Variants in GLIS3 observed in about 807,000 individuals in gnomAD.
GLIS3 encodes GLIS family zinc finger 3.
GLIS3 carries 53 observed loss-of-function variants against 78.6 expected under a neutral mutation model. That is an observed-to-expected ratio of 0.67 (90% CI 0.54 to 0.85). GLIS3 has a LOEUF of 0.85. Among genes scored for constraint, GLIS3 ranks in the 40% least tolerant of loss-of-function variants. The probability of loss-of-function intolerance (pLI) is 0.00; values close to 1 mark genes in which losing one functional copy is unlikely to be tolerated. For missense variants in GLIS3, 1,703 were observed against 1,231.1 expected (o/e 1.38, Z -5.74); for synonymous variants, 684 against 509.9 (o/e 1.34, Z -4.60).
At chr9:4,048,534 T>C (rs1432064664) in intron 4 of GLIS3, among the ~76,000 whole-genome samples, 1 of 152,182 alleles carries the variant, frequency 6.6e-6, no homozygotes, top group Non-Finnish European at 1.5e-5. Context: ...TTAACCACAT[T>C]ATGGTATTCA....
At chr9:4,084,186 C>T (rs1204940125) in intron 4 of GLIS3, among the ~76,000 whole-genome samples, 1 of 151,698 alleles carries the variant, frequency 6.6e-6, no homozygotes, top group Non-Finnish European at 1.5e-5. Context: ...GACTACGAAG[C>T]CCTCAAACCA....
At chr9:4,204,895 C>G (rs11794523) in intron 2 of GLIS3, among the ~76,000 whole-genome samples, 14,178 of 145,056 alleles carry the variant, frequency 0.098, 1,278 homozygotes, top group African/African-American at 0.24. Context: ...GCCTGGGTGA[C>G]AAAGCAAAGC....
chr9:4,203,198 C>T (rs1217647978), intron 2 of GLIS3, among the ~76,000 whole-genome samples: 1 of 152,100 alleles, frequency 6.6e-6, no homozygotes, highest in African/African-American at 2.4e-5. Flanking sequence ...AGAAGACATA[C>T]AAGTGGCCAA....
At chr9:4,375,373 A>T in the GLIS3 span, among the ~76,000 whole-genome samples, 2 of 152,336 alleles carry the variant, frequency 1.3e-5, no homozygotes, top group Admixed American at 6.5e-5. Context: ...GGATATATCA[A>T]ATTATAGTAT....
chr9:4,233,729 T>G (rs1822474650), intron 2 of GLIS3, among the ~76,000 whole-genome samples: 1 of 152,228 alleles, frequency 6.6e-6, no homozygotes, highest in African/African-American at 2.4e-5. Context: ...CCTTTGAAGC[T>G]TTGAAGCCAG....
chr9:4,209,984 T>C (rs1820243245), intron 2 of GLIS3, among the ~76,000 whole-genome samples: 2 of 152,232 alleles, frequency 1.3e-5, no homozygotes, highest in Non-Finnish European at 2.9e-5. Flanking sequence ...TATCAGTCTA[T>C]GGCTTAACAT....
intron 4 of GLIS3, among the ~76,000 whole-genome samples, chr9:4,093,142 G>A (rs1156906917): frequency 1.3e-5 from 2 of 152,084 alleles, no homozygotes; most frequent in African/African-American, 4.8e-5. Context: ...AGAAAAATGA[G>A]GTACTAAGTG....
the GLIS3 span, among the ~76,000 whole-genome samples, chr9:4,355,544 T>C: frequency 6.6e-6 from 1 of 152,160 alleles, no homozygotes; most frequent in African/African-American, 2.4e-5. Context: ...GCTACTCTCC[T>C]AGTGACACCT....
At chr9:3,930,977 C>T (rs1235779039) in intron 6 of GLIS3, among the ~76,000 whole-genome samples, 1 of 152,150 alleles carries the variant, frequency 6.6e-6, no homozygotes, top group African/African-American at 2.4e-5. Context: ...TAAGCACTTG[C>T]TTTCTAACTT....
At chr9:3,855,109 T>G (rs576384446) in intron 9 of GLIS3, among the ~76,000 whole-genome samples, 1 of 152,202 alleles carries the variant, frequency 6.6e-6, no homozygotes, top group Non-Finnish European at 1.5e-5. Flanking sequence ...CCCTAGGAAG[T>G]AAAAGCCTGT....
chr9:4,373,513 C>T, the GLIS3 span, among the ~76,000 whole-genome samples: 1 of 152,154 alleles, frequency 6.6e-6, no homozygotes, highest in East Asian at 1.9e-4. Context: ...GCACGTATTT[C>T]TGGGACCACT....
the GLIS3 span, among the ~76,000 whole-genome samples, chr9:4,402,039 G>A: frequency 7.9e-5 from 12 of 152,232 alleles, no homozygotes; most frequent in African/African-American, 2.9e-4. Context: ...AACATCTCTG[G>A]ACATGCCCAG....
At chr9:3,870,366 A>AT (rs779158357) in intron 8 of GLIS3, among the ~76,000 whole-genome samples, 70 of 152,368 alleles carry the variant, frequency 4.6e-4, no homozygotes, top group Non-Finnish European at 8.5e-4. Flanking sequence ...CAAAGAGAAA[A>AT]TTAAGATGAA....
chr9:4,349,467 T>C (rs1398804052), upstream of GLIS3, among the ~76,000 whole-genome samples: 1 of 152,178 alleles, frequency 6.6e-6, no homozygotes, highest in Non-Finnish European at 1.5e-5. Flanking sequence ...CTAATTGGTG[T>C]TGAGGATTTA....
intron 4 of GLIS3, among the ~76,000 whole-genome samples, chr9:4,095,971 GC>G (rs1829906035): frequency 7.3e-6 from 1 of 136,942 alleles, no homozygotes; most frequent in South Asian, 2.3e-4. Context: ...TGGGCTCCTT[GC>G]TCTTTGTTGT....
upstream of GLIS3, among the ~76,000 whole-genome samples, chr9:4,349,159 C>A (rs929081976): frequency 6.6e-6 from 1 of 152,182 alleles, no homozygotes; most frequent in Admixed American, 6.5e-5. Context: ...TAAGCCTTTG[C>A]CATGAGGGCT....
intron 4 of GLIS3, among the ~76,000 whole-genome samples, chr9:3,976,640 C>T (rs1274673964): frequency 6.6e-6 from 1 of 151,014 alleles, no homozygotes; most frequent in Non-Finnish European, 1.5e-5. Flanking sequence ...CTCAATCAGG[C>T]CCAAGAGTAA....
chr9:4,434,735 A>T, the GLIS3 span, among the ~76,000 whole-genome samples: 1 of 152,170 alleles, frequency 6.6e-6, no homozygotes, highest in African/African-American at 2.4e-5. Flanking sequence ...GTTTGATTCC[A>T]ACTTCCCCAG....
Position 3,827,992 on chromosome 9 carries a change from G to C in GLIS3, c.*280C>G. On this transcript the variant is annotated 3_prime_UTR_variant, in exon 11 of 11. Coordinates refer to ENST00000381971, the MANE Select transcript of GLIS3 (RefSeq NM_001042413.2). ...TCCTTTAAGGGTTGACAGCCAGGAAGTAACAGGTATCCAGGAGAGTGAGGC... is the reference window on the plus strand; with the variant it reads ...TCCTTTAAGGGTTGACAGCCAGGAACTAACAGGTATCCAGGAGAGTGAGGC... 2.1e-6 allele frequency: 1 copy of C among 474,662 alleles called. No homozygotes were observed. The highest frequency in any genetic ancestry group is 3.9e-6 in the Non-Finnish European group (1 of 258,524). The allele number at this position is 474,662 out of a possible 1,614,324, so 29.4% of individuals were successfully genotyped here.
Sources: allele counts gnomAD v4.1 joint callset (sites outside exome capture counted in the v4.1 genomes callset), GRCh38; gene constraint gnomAD v4.1.1; transcripts MANE v1.5; gene names NCBI Gene and HGNC (gene_info 2026-07-23, HGNC 2026-07-21).